Variants in PTPRA observed in about 807,000 individuals in gnomAD.
PTPRA encodes receptor-type tyrosine-protein phosphatase alpha.
PTPRA carries 25 observed loss-of-function variants against 104.8 expected under a neutral mutation model. That is an observed-to-expected ratio of 0.24 (90% confidence interval 0.17 to 0.33). PTPRA has a LOEUF of 0.33. PTPRA is among the 10% of genes least tolerant of loss of function. The pLI is 1.00. For synonymous variants in PTPRA, 323 were observed against 368.9 expected (o/e 0.88, Z 1.43); for missense variants, 765 against 1,015.3 (o/e 0.75, Z 3.35).
At chr20:2,890,351 G>T (rs2058747540) in intron 1 of PTPRA, among the ~76,000 whole-genome samples, 1 of 151,910 alleles carries the variant, frequency 6.6e-6, no homozygotes, top group African/African-American at 2.4e-5. Context: ...CATGCTTTTT[G>T]TGAACTTGGG....
At chr20:3,027,081 A>G (rs2065182608) in intron 18 of PTPRA, 40 bp from the exon 19 acceptor site, 1 of 1,598,706 alleles carries the variant, frequency 6.3e-7, no homozygotes, top group Non-Finnish European at 8.6e-7. Context: ...GGAGAGGACA[A>G]ATGATATTGG....
chr20:3,010,517 A>G (rs2064114630), intron 11 of PTPRA, among the ~76,000 whole-genome samples: 1 of 152,154 alleles, frequency 6.6e-6, no homozygotes, highest in South Asian at 2.1e-4. Flanking sequence ...AGTCCCAGCT[A>G]CTTGGGAGGC....
intron 9 of PTPRA, among the ~76,000 whole-genome samples, chr20:2,991,365 CAAA>C (rs149732091): frequency 2.0e-5 from 2 of 101,302 alleles, no homozygotes; most frequent in Non-Finnish European, 2.1e-5. Flanking sequence ...AACTCCATCT[CAAA>C]AAAAAAAAAA....
the PTPRA span, among the ~76,000 whole-genome samples, chr20:2,867,821 G>C: frequency 6.6e-6 from 1 of 152,226 alleles, no homozygotes; most frequent in Non-Finnish European, 1.5e-5. Flanking sequence ...GAGACTCAGG[G>C]CCTGAGAAGG....
chr20:2,945,131 A>G (rs1302663091), intron 2 of PTPRA, among the ~76,000 whole-genome samples: 6 of 152,076 alleles, frequency 3.9e-5, no homozygotes, highest in African/African-American at 1.2e-4. Flanking sequence ...CTCTTCAGGT[A>G]TATTTTACCT....
Position 2,996,710 on chromosome 20 carries a change from T to C in PTPRA, c.738+8236T>C, listed in dbSNP as rs187314265. Among the ~76,000 whole-genome samples, 231 of 152,098 alleles carry C rather than the reference T, an allele frequency of 1.5e-3. 1 individual carries two copies. The highest frequency in any genetic ancestry group is 5.3e-3 in the African/African-American group (220 of 41,498). ...GAAATACAGATGGTCTATAAAGATATGAAAAGAAGATCAACTATATCTAGT... is the reference window on the plus strand; with the variant it reads ...GAAATACAGATGGTCTATAAAGATACGAAAAGAAGATCAACTATATCTAGT... On this transcript the variant is annotated intron_variant, in intron 9 of 23. Coordinates refer to ENST00000399903, the MANE Select transcript of PTPRA (RefSeq NM_001385305.1).
chr20:2,990,953 G>C (rs899255803), intron 9 of PTPRA, among the ~76,000 whole-genome samples: 2 of 152,134 alleles, frequency 1.3e-5, no homozygotes, highest in South Asian at 4.1e-4. Flanking sequence ...GGCAAGAGTT[G>C]AAGTGGGAGA....
At chr20:3,032,986 C>A (rs143591597) in intron 20 of PTPRA, among the ~76,000 whole-genome samples, 141 of 151,838 alleles carry the variant, frequency 9.3e-4, no homozygotes, top group African/African-American at 3.3e-3. Context: ...ACACTTACTT[C>A]CGTAGCATCA....
At chr20:2,926,202 T>C (rs1354658532) in intron 2 of PTPRA, among the ~76,000 whole-genome samples, 1 of 152,212 alleles carries the variant, frequency 6.6e-6, no homozygotes, top group Non-Finnish European at 1.5e-5. Context: ...TATTTCCTGT[T>C]CTGCTGCTGT....
chr20:3,005,199 G>T (rs2063807557), intron 10 of PTPRA, 53 bp downstream of exon 10: 1 of 1,493,980 alleles, frequency 6.7e-7, no homozygotes, highest in Admixed American at 1.7e-5. Context: ...ATCTCTGGAG[G>T]GATTTTCTGA....
At chr20:2,910,480 CT>C (rs34928941) in intron 1 of PTPRA, among the ~76,000 whole-genome samples, 4,320 of 16,696 alleles carry the variant, frequency 0.26, 777 homozygotes, top group East Asian at 0.41. Context: ...TTTATATATA[CT>C]TTTTTTTTTT....
chr20:2,996,429 T>C (rs2148218483), intron 9 of PTPRA, among the ~76,000 whole-genome samples: 1 of 152,332 alleles, frequency 6.6e-6, no homozygotes, highest in South Asian at 2.1e-4. Context: ...TCTACTGTCA[T>C]AGAATAATAT....
Position 3,022,926 on chromosome 20 carries a change from C to G in PTPRA, c.1464+102C>G. On this transcript the variant is annotated intron_variant, in intron 16 of 23. Transcript: ENST00000399903. This position sits in a 1 kb window ranked among gnomAD's most constrained non-coding sequence, Gnocchi z 4.6. The stretch of plus-strand genomic sequence containing the variant: ...TCTCACAGGTTATTGTAAATGATTA[C>G]TATAGAGTGTGATTGTGGGGGAAAG... The G allele has an allele frequency of 6.6e-7, 1 of 1,519,144 alleles. No individual in the cohort carries two copies. Among genetic ancestry groups the G allele is most frequent in the Non-Finnish European group, 8.9e-7 (1 of 1,121,868 alleles). The allele number at this position is 1,519,144 out of a possible 1,614,324, so 94.1% of individuals were successfully genotyped here.
intron 3 of PTPRA, among the ~76,000 whole-genome samples, chr20:2,951,707 TACTG>T (rs1467844218): frequency 6.6e-6 from 1 of 152,204 alleles, no homozygotes; most frequent in Non-Finnish European, 1.5e-5. Context: ...TTGACCTCCT[TACTG>T]ACCCTAGCTA....
chr20:2,877,324 T>C (rs1436803300), intron 1 of PTPRA, among the ~76,000 whole-genome samples: 1 of 152,174 alleles, frequency 6.6e-6, no homozygotes, highest in African/African-American at 2.4e-5. Context: ...GCAATGGCGC[T>C]ATCTTGGCTC....
chr20:3,026,227 A>T (rs2065138686), intron 17 of PTPRA, among the ~76,000 whole-genome samples: 1 of 152,088 alleles, frequency 6.6e-6, no homozygotes, highest in Non-Finnish European at 1.5e-5. Context: ...ATGAGCCACC[A>T]CGCCCGGCTT....
intron 9 of PTPRA, among the ~76,000 whole-genome samples, chr20:3,000,650 G>A (rs2063586228): frequency 6.6e-6 from 1 of 152,112 alleles, no homozygotes; most frequent in African/African-American, 2.4e-5. Context: ...ATCAGTAGTA[G>A]AATGGATAAG....
At chr20:2,918,080 T>A (rs2059969657) in intron 1 of PTPRA, among the ~76,000 whole-genome samples, 2 of 105,520 alleles carry the variant, frequency 1.9e-5, no homozygotes, top group African/African-American at 4.4e-5. Context: ...AGAGTGAGAC[T>A]CTGTCTCAAA....
rs546651049 is a variant in PTPRA at position 2,965,783 on chromosome 20, A to AG, written c.415+582dup. 3.2e-3 allele frequency among the ~76,000 whole-genome samples: 492 copies of AG among 152,296 alleles called. 1 individual carries two copies. Among genetic ancestry groups the AG allele is most frequent in the African/African-American group, 0.011 (458 of 41,570 alleles). On this transcript the variant is annotated intron_variant, in intron 5 of 23. Transcript: ENST00000399903. ...TGGGAAATGGTTACATTGCAGTGCC[A>AG]GTTGTTCAGGGCCTCAGGTTGAAGC...
Sources: gnomAD v4.1 joint callset for allele counts (sites outside exome capture counted in the v4.1 genomes callset) on GRCh38, gnomAD v4.1.1 for gene constraint, Gnocchi (gnomAD v3.1) non-coding constraint, MANE v1.5 for transcripts, NCBI Gene and HGNC (gene_info 2026-07-23, HGNC 2026-07-21) for gene names.